ZNF529: variants seen among roughly 807,000 people sequenced by gnomAD.
The protein encoded by ZNF529 is zinc finger protein 529.
ZNF529 carries 11 observed loss-of-function variants against 10.1 expected under a neutral mutation model. The observed-to-expected ratio is 1.09, with a 90% CI of 0.69 to 1.81. ZNF529 has a LOEUF of 1.81. Ranked by LOEUF, ZNF529 falls within the 40% of genes most tolerant of loss-of-function variation. The probability of loss-of-function intolerance (pLI) is 0.00; values close to 1 mark genes in which losing one functional copy is unlikely to be tolerated. For synonymous variants in ZNF529, 204 were observed against 215.7 expected (o/e 0.95, Z 0.47); for missense variants, 624 against 666.8 (o/e 0.94, Z 0.71).
At chr19:36,548,989 C>T (rs903337675) in intron 4 of ZNF529, among the ~76,000 whole-genome samples, 3 of 152,120 alleles carry the variant, frequency 2.0e-5, no homozygotes, top group Non-Finnish European at 4.4e-5. Context: ...GGCAGCAGAG[C>T]GAGAGTCCGT....
Position 36,547,889 on chromosome 19 carries a change from A to T in ZNF529, c.669T>A (p.Gly223=). ...SSMLQLNIHT[G]VKPCKYMEYG... is the part of the protein sequence containing the mutation. Reference sequence around the variant, plus strand: ...ATTCCATATATTTACAAGGTTTCACACCAGTATGAATATTCAGTTGTAACA... The same window carrying T: ...ATTCCATATATTTACAAGGTTTCACTCCAGTATGAATATTCAGTTGTAACA... Residue 223 remains glycine, a synonymous_variant, in exon 5 of 5, where the codon GGT becomes GGA. Coordinates refer to ENST00000591340, the MANE Select transcript of ZNF529 (RefSeq NM_020951.5). 1 of 1,611,958 alleles carries T rather than the reference A, an allele frequency of 6.2e-7. No individual in the cohort carries two copies. Among genetic ancestry groups the T allele is most frequent in the Non-Finnish European group, 8.5e-7 (1 of 1,178,440 alleles).
Position 36,544,143 on chromosome 19 carries a change from T to G in ZNF529, c.*2723A>C, listed in dbSNP as rs1245495576. ...GGGCAAATGAAAATGGAAAGAATGGTGAAGTTTTATGTTTTTGAGTAAAAA... is the reference window on the plus strand; with the variant it reads ...GGGCAAATGAAAATGGAAAGAATGGGGAAGTTTTATGTTTTTGAGTAAAAA... On this transcript the variant is annotated 3_prime_UTR_variant, in exon 5 of 5. Transcript: ENST00000591340. 1.3e-5 allele frequency: 2 copies of G among 152,116 alleles called. No individual in the cohort carries two copies. The highest frequency in any genetic ancestry group is 1.3e-4 in the Admixed American group (2 of 15,270). The allele number at this position is 152,116 out of a possible 1,614,324, so 9.4% of individuals were successfully genotyped here.
chr19:36,565,392 C>T (rs947247231), intron 2 of ZNF529, among the ~76,000 whole-genome samples: 2 of 152,080 alleles, frequency 1.3e-5, no homozygotes, highest in Non-Finnish European at 2.9e-5. Flanking sequence ...TAGAAAGTAA[C>T]TCAAAGCCAT....
In ZNF529 at chr19:36,554,816, C is replaced by A. The variant is rs536684914; in HGVS notation, c.109-20G>T. 9 of 1,512,242 alleles carry A rather than the reference C, an allele frequency of 6.0e-6. No homozygotes were observed. The East Asian group carries it at 1.5e-4, about 25-fold the overall frequency. 93.7% of individuals were successfully genotyped at this position (1,512,242 alleles called of 1,614,324 possible). A position where few individuals can be genotyped will look rare whatever the true frequency, so the allele number is the denominator to read the frequency against. ...CAGTTCCTGAAACAACAAACCCGTA[C>A]ATTACAGGTAAAATTTAAGGAAATA... On this transcript the variant is annotated intron_variant, in intron 3 of 4. Coordinates refer to ENST00000591340, the MANE Select transcript of ZNF529 (RefSeq NM_020951.5).
chr19:36,589,106 C>T (rs1429165959), intron 2 of ZNF529, among the ~76,000 whole-genome samples: 1 of 152,094 alleles, frequency 6.6e-6, no homozygotes, highest in East Asian at 1.9e-4. Context: ...CCTCCAGGCA[C>T]AGCTAATTTT....
chr19:36,547,996 C>T lies in ZNF529; in HGVS notation c.562G>A (p.Glu188Lys). The T allele has an allele frequency of 6.2e-7, 1 of 1,613,500 alleles. No homozygotes were observed. Residue 188 changes from glutamate (E) to lysine (K), a missense_variant, in exon 5 of 5, where the codon GAA becomes AAA. Physicochemically the swap from Glu to Lys is moderately conservative, Grantham distance 56 (BLOSUM62 1). Coordinates refer to ENST00000591340, the MANE Select transcript of ZNF529 (RefSeq NM_020951.5). ...KVFSCDLEFD[E>K]YQKIHTGGKN... is the part of the protein sequence containing the mutation. ...CCACCAGTATGTATTTTCTGATATT[C>T]ATCAAACTCTAAGTCACAACTGAAG...
upstream of ZNF529, among the ~76,000 whole-genome samples, chr19:36,574,329 T>C (rs1433090339): frequency 6.6e-6 from 1 of 152,186 alleles, no homozygotes; most frequent in African/African-American, 2.4e-5. Context: ...GACGTAAGAC[T>C]TAGGAATGTC....
At position 36,547,754 on chromosome 19, in the gene ZNF529, T is replaced by G; in HGVS notation, c.804A>C (p.Lys268Asn). The G allele has an allele frequency of 2.5e-6, 4 of 1,613,390 alleles. No homozygotes were observed. The highest frequency in any genetic ancestry group is 2.5e-6 in the Non-Finnish European group (3 of 1,179,676). The change falls in exon 5 of 5, where the codon AAA becomes AAC. Residue 268 changes from lysine (K) to asparagine (N), a missense_variant. Coordinates refer to ENST00000591340, the MANE Select transcript of ZNF529 (RefSeq NM_020951.5). ...EYRRTFERVG[K>N]VTPLQRVHDG... ...CATGAACTCTTTGAAGTGGAGTAAC[T>G]TTTCCAACTCTTTCAAAGGTCCTTC...
intron 1 of ZNF529, among the ~76,000 whole-genome samples, chr19:36,602,785 C>A (rs1294333200): frequency 3.3e-5 from 5 of 152,026 alleles, no homozygotes; most frequent in Non-Finnish European, 7.4e-5. Context: ...ACAAAACTAG[C>A]CAGGCATGGT....
At chr19:36,595,763 C>T (rs986636423) in intron 1 of ZNF529, among the ~76,000 whole-genome samples, 2 of 152,124 alleles carry the variant, frequency 1.3e-5, no homozygotes, top group Non-Finnish European at 2.9e-5. Flanking sequence ...GACTTATATT[C>T]TCTAGTTGGA....
chr19:36,585,294 C>T (rs1189239040), intron 2 of ZNF529, among the ~76,000 whole-genome samples: 1 of 152,164 alleles, frequency 6.6e-6, no homozygotes, highest in African/African-American at 2.4e-5. Flanking sequence ...GTTTTTGTGA[C>T]GTTTGATAGA....
intron 2 of ZNF529, among the ~76,000 whole-genome samples, chr19:36,569,605 A>C (rs1026939937): frequency 2.0e-5 from 3 of 151,848 alleles, no homozygotes; most frequent in Admixed American, 6.6e-5. Context: ...TCTCTACTAA[A>C]AAAAAAAAAA....
At chr19:36,580,048 C>T (rs1568610918) in intron 2 of ZNF529, among the ~76,000 whole-genome samples, 2 of 151,948 alleles carry the variant, frequency 1.3e-5, no homozygotes, top group Non-Finnish European at 2.9e-5. Context: ...ATGTTTGTTA[C>T]TTTTTAAACT....
chr19:36,576,232 A>G, upstream of ZNF529, among the ~76,000 whole-genome samples: 1 of 152,176 alleles, frequency 6.6e-6, no homozygotes, highest in Non-Finnish European at 1.5e-5. Context: ...TTTCCTGCAA[A>G]TTATAAAAGC....
At chr19:36,564,080 C>T (rs2035810704) in intron 2 of ZNF529, among the ~76,000 whole-genome samples, 1 of 152,110 alleles carries the variant, frequency 6.6e-6, no homozygotes, top group South Asian at 2.1e-4. Context: ...GAAACTGCAC[C>T]CGTACTTTTC....
chr19:36,568,911 G>A (rs1213639558), intron 2 of ZNF529, among the ~76,000 whole-genome samples: 2 of 152,184 alleles, frequency 1.3e-5, no homozygotes, highest in Non-Finnish European at 2.9e-5. Flanking sequence ...CAGGATATAA[G>A]ATCAGTATGC....
At chr19:36,591,743 T>G (rs2036722625) in intron 1 of ZNF529, among the ~76,000 whole-genome samples, 1 of 150,910 alleles carries the variant, frequency 6.6e-6, no homozygotes, top group South Asian at 2.1e-4. Flanking sequence ...AAAAGGAAAT[T>G]TAATTTATTA....
chr19:36,589,015 C>T (rs1427277043), intron 2 of ZNF529, among the ~76,000 whole-genome samples: 1 of 150,906 alleles, frequency 6.6e-6, no homozygotes, highest in Admixed American at 6.6e-5. Context: ...CAGATCACTG[C>T]TCACTGTAAC....
At chr19:36,567,446 C>CT (rs113148878) in intron 2 of ZNF529, among the ~76,000 whole-genome samples, 38 of 149,040 alleles carry the variant, frequency 2.5e-4, no homozygotes, top group African/African-American at 5.7e-4. Context: ...GCAATGGATT[C>CT]TTTTTTTTTT....
Sources: allele counts gnomAD v4.1 joint callset (sites outside exome capture counted in the v4.1 genomes callset), GRCh38; gene constraint gnomAD v4.1.1; transcripts MANE v1.5; gene names NCBI Gene and HGNC (gene_info 2026-07-23, HGNC 2026-07-21).